COL26A1: variants seen among roughly 807,000 people sequenced by gnomAD.
COL26A1 encodes collagen alpha-1(XXVI) chain.
A neutral mutation model predicts 59.3 loss-of-function variants in COL26A1; 41 were observed. The observed-to-expected ratio is 0.69, with a 90% confidence interval of 0.54 to 0.90. The LOEUF (loss-of-function observed/expected upper bound fraction) is 0.90, where lower values mean the gene tolerates loss of function less well. Among genes scored for constraint, COL26A1 ranks in the 40% least tolerant of loss-of-function variants. COL26A1 has a pLI of 0.00. For synonymous variants in COL26A1, 266 were observed against 256.0 expected (o/e 1.04, Z -0.37); for missense variants, 612 against 602.3 (o/e 1.02, Z -0.17).
chr7:101,423,596 G>T (rs1000689295), intron 2 of COL26A1, among the ~76,000 whole-genome samples: 4 of 151,992 alleles, frequency 2.6e-5, no homozygotes, highest in African/African-American at 9.7e-5. Context: ...TTAGCTGAGT[G>T]TGGTGCCACA....
intron 2 of COL26A1, among the ~76,000 whole-genome samples, chr7:101,447,361 T>C (rs777868630): frequency 2.6e-5 from 4 of 152,226 alleles, no homozygotes; most frequent in Admixed American, 6.5e-5. Flanking sequence ...ATTATCAATT[T>C]TGTTTCAGAG....
chr7:101,549,186 G>C lies in COL26A1; in HGVS notation c.956G>C (p.Arg319Pro), dbSNP rs369737607. The C allele has an allele frequency of 6.2e-7, 1 of 1,602,992 alleles. No individual in the cohort carries two copies. Among genetic ancestry groups the C allele is most frequent in the Non-Finnish European group, 8.5e-7 (1 of 1,174,932 alleles). Residue 319 changes from arginine to proline, a missense_variant, in exon 9 of 13, where the codon CGA (arginine) becomes CCA (proline). Coordinates refer to ENST00000313669, the MANE Select transcript of COL26A1 (RefSeq NM_001278563.3). The stretch of plus-strand genomic sequence containing the variant: ...CTGCCCACAGGTCCCCCTGGGCCTC[G>C]AGGTCCCCCAGGACCCCCAGGAACA... ...PPGPPGPPGP[R>P]GPPGPPGTPG...
intron 2 of COL26A1, among the ~76,000 whole-genome samples, chr7:101,447,041 G>A (rs1404434099): frequency 6.6e-6 from 1 of 152,040 alleles, no homozygotes; most frequent in Non-Finnish European, 1.5e-5. Context: ...GAATCGTAGG[G>A]GGTCGAAGTG....
intron 3 of COL26A1, among the ~76,000 whole-genome samples, chr7:101,476,342 A>G (rs1333120061): frequency 2.0e-5 from 3 of 152,158 alleles, no homozygotes; most frequent in African/African-American, 7.2e-5. Context: ...AGTGTTGTCA[A>G]AAGACAAAAT....
intron 3 of COL26A1, among the ~76,000 whole-genome samples, chr7:101,530,948 CTTGTTTTTTT>C (rs1004916727): frequency 2.0e-5 from 3 of 151,510 alleles, no homozygotes; most frequent in Non-Finnish European, 3.0e-5. Context: ...TTTTTTATTT[CTTGTTTTTTT>C]TTGTTTTTTG....
At chr7:101,501,880 G>A (rs1794713667) in intron 3 of COL26A1, among the ~76,000 whole-genome samples, 1 of 152,028 alleles carries the variant, frequency 6.6e-6, no homozygotes. Flanking sequence ...TGCATGCATG[G>A]GCCCTGTGTA....
chr7:101,539,144 T>C (rs564589675), intron 4 of COL26A1, among the ~76,000 whole-genome samples: 1 of 152,308 alleles, frequency 6.6e-6, no homozygotes, highest in African/African-American at 2.4e-5. Context: ...TGGGGCCGCA[T>C]TGCAGGCTGG....
intron 1 of COL26A1, among the ~76,000 whole-genome samples, chr7:101,397,632 G>T (rs1479853426): frequency 6.6e-6 from 1 of 150,990 alleles, no homozygotes; most frequent in South Asian, 2.1e-4. Flanking sequence ...AACCTCCTGG[G>T]CTCAAGTGAT....
intron 2 of COL26A1, among the ~76,000 whole-genome samples, chr7:101,441,749 G>C (rs936181113): frequency 6.6e-6 from 1 of 152,188 alleles, no homozygotes; most frequent in Non-Finnish European, 1.5e-5. Flanking sequence ...GTGAGGTGGA[G>C]GAGGGCCAGC....
chr7:101,382,726 T>C (rs1369170154), intron 1 of COL26A1, among the ~76,000 whole-genome samples: 1 of 152,042 alleles, frequency 6.6e-6, no homozygotes, highest in African/African-American at 2.4e-5. Flanking sequence ...TTGATCAGGG[T>C]GTGTTAAATT....
chr7:101,363,998 G>T (rs1308318708), intron 1 of COL26A1, among the ~76,000 whole-genome samples: 2 of 152,138 alleles, frequency 1.3e-5, no homozygotes, highest in Non-Finnish European at 2.9e-5. Context: ...CAGCCACCCC[G>T]GGACGTGGAA....
intron 1 of COL26A1, among the ~76,000 whole-genome samples, chr7:101,406,553 A>G (rs1309022378): frequency 1.3e-5 from 2 of 152,130 alleles, no homozygotes; most frequent in Non-Finnish European, 2.9e-5. Flanking sequence ...ACCTTCATGG[A>G]CTGTCCATTT....
chr7:101,501,890 A>T (rs1008056019), intron 3 of COL26A1, among the ~76,000 whole-genome samples: 1 of 152,082 alleles, frequency 6.6e-6, no homozygotes, highest in Non-Finnish European at 1.5e-5. Flanking sequence ...GGCCCTGTGT[A>T]TACATGGGCT....
chr7:101,388,081 A>G (rs1036524905), intron 1 of COL26A1, among the ~76,000 whole-genome samples: 10 of 151,584 alleles, frequency 6.6e-5, no homozygotes, highest in Non-Finnish European at 1.3e-4. Context: ...ACCATCTTAA[A>G]CCATTTCCCA....
intron 2 of COL26A1, among the ~76,000 whole-genome samples, chr7:101,428,526 G>A (rs1449628736): frequency 6.6e-6 from 1 of 152,120 alleles, no homozygotes; most frequent in Non-Finnish European, 1.5e-5. Flanking sequence ...ATTATCCTTG[G>A]CTACAAGTAT....
chr7:101,421,699 T>C (rs774122667), intron 2 of COL26A1, among the ~76,000 whole-genome samples: 1 of 152,090 alleles, frequency 6.6e-6, no homozygotes, highest in Non-Finnish European at 1.5e-5. Flanking sequence ...TGATGTTAAC[T>C]TTGATCGCTT....
intron 3 of COL26A1, among the ~76,000 whole-genome samples, chr7:101,524,289 G>A (rs182741789): frequency 6.7e-6 from 1 of 149,876 alleles, no homozygotes; most frequent in Non-Finnish European, 1.5e-5. Flanking sequence ...AAAAAAAAAC[G>A]ACTATTGCAG....
At chr7:101,525,174 T>C (rs993286245) in intron 3 of COL26A1, among the ~76,000 whole-genome samples, 1 of 50,810 alleles carries the variant, frequency 2.0e-5, no homozygotes, top group South Asian at 5.0e-4. Flanking sequence ...CTTCATTCTT[T>C]TTTTTTTTTT....
chr7:101,438,353 T>C (rs1167717362), intron 2 of COL26A1, among the ~76,000 whole-genome samples: 1 of 151,066 alleles, frequency 6.6e-6, no homozygotes, highest in Non-Finnish European at 1.5e-5. Flanking sequence ...AGAGCGAGAC[T>C]CCGTCTCAAA....
Sources: gnomAD v4.1 joint callset for allele counts (sites outside exome capture counted in the v4.1 genomes callset) on GRCh38, gnomAD v4.1.1 for gene constraint, MANE v1.5 for transcripts, NCBI Gene and HGNC (gene_info 2026-07-23, HGNC 2026-07-21) for gene names.